Variants in DGKI observed in about 807,000 individuals in gnomAD.
DGKI encodes DAG kinase iota.
DGKI carries 55 observed loss-of-function variants against 147.5 expected under a neutral mutation model. The observed-to-expected ratio is 0.37, with a 90% CI of 0.30 to 0.47. The LOEUF (loss-of-function observed/expected upper bound fraction) is 0.47. Among genes scored for constraint, DGKI ranks in the 20% least tolerant of loss-of-function variants. DGKI has a pLI of 1.00. For synonymous variants in DGKI, 469 were observed against 477.1 expected (o/e 0.98, Z 0.22); for missense variants, 1,007 against 1,323.8 (o/e 0.76, Z 3.71).
At chr7:137,818,505 C>A (rs1797803412) in intron 1 of DGKI, among the ~76,000 whole-genome samples, 1 of 152,182 alleles carries the variant, frequency 6.6e-6, no homozygotes, top group East Asian at 1.9e-4. Context: ...CAGCTCACTG[C>A]AACCTCCGAC....
chr7:137,846,810 C>T lies in DGKI; in HGVS notation c.53G>A (p.Gly18Glu), dbSNP rs963817159. 5.3e-6 allele frequency: 6 copies of T among 1,140,698 alleles called. No homozygotes were observed. Among genetic ancestry groups the T allele is most frequent in the Admixed American group, 4.9e-5 (1 of 20,556 alleles). The allele number at this position is 1,140,698 out of a possible 1,614,324, so 70.7% of individuals were successfully genotyped here. Reference protein sequence around the residue: ...CHLLPLPAARGPARAPAAAAA... With the variant: ...CHLLPLPAAREPARAPAAAAA... ...GGCGGCTGCAGGAGCGCGGGCAGGT[C>T]CGCGCGCCGCTGGCAGGGGCAGCAA... is the stretch of plus-strand genomic sequence containing the variant. The change falls in exon 1 of 33, where the codon GGA (glycine) becomes GAA (glutamate). Residue 18 changes from glycine (G) to glutamate (E), a missense_variant. Physicochemically the swap from Gly to Glu is moderately conservative, Grantham distance 98. Around this residue, in one of 5 missense-constraint regions of DGKI, gnomAD observed 137 missense variants for 114.4 expected, o/e 1.20. Transcript: ENST00000614521. This position sits in a 1 kb window ranked among gnomAD's most constrained non-coding sequence, Gnocchi z 4.0.
chr7:137,765,660 T>C (rs555102269), intron 1 of DGKI, among the ~76,000 whole-genome samples: 1 of 152,346 alleles, frequency 6.6e-6, no homozygotes, highest in East Asian at 1.9e-4. Flanking sequence ...CAGCCCTTTG[T>C]AATGATAAGT....
chr7:137,478,803 G>A (rs897748791), intron 23 of DGKI, among the ~76,000 whole-genome samples: 7 of 152,194 alleles, frequency 4.6e-5, no homozygotes, highest in South Asian at 4.1e-4. Context: ...TGGACCTGGC[G>A]ATGTTCTCAT....
chr7:137,690,075 T>C, intron 1 of DGKI, 73 bp from the exon 2 acceptor site: 1 of 1,158,084 alleles, frequency 8.6e-7, no homozygotes, highest in Admixed American at 2.6e-5. Flanking sequence ...AGCTCAAAAT[T>C]TCCCATGGGG....
chr7:137,444,911 G>C (rs559870722), intron 27 of DGKI, among the ~76,000 whole-genome samples: 3 of 152,182 alleles, frequency 2.0e-5, no homozygotes, highest in African/African-American at 7.2e-5. Context: ...GAGAAAGAGA[G>C]AGACATATAA....
At chr7:137,603,614 A>T (rs1820071811) in intron 10 of DGKI, among the ~76,000 whole-genome samples, 1 of 152,246 alleles carries the variant, frequency 6.6e-6, no homozygotes, top group African/African-American at 2.4e-5. Context: ...CTTCTCTGAT[A>T]CAGACGTCTG....
intron 1 of DGKI, among the ~76,000 whole-genome samples, chr7:137,702,225 C>A (rs532141810): frequency 2.0e-5 from 3 of 152,112 alleles, no homozygotes; most frequent in Non-Finnish European, 4.4e-5. Flanking sequence ...AACTGAATGA[C>A]CTTGGAGTTG....
chr7:137,657,941 G>A (rs1822284104), intron 3 of DGKI, among the ~76,000 whole-genome samples: 1 of 152,192 alleles, frequency 6.6e-6, no homozygotes, highest in Non-Finnish European at 1.5e-5. Flanking sequence ...CTAAAACACT[G>A]CAGTACCGCT....
intron 3 of DGKI, among the ~76,000 whole-genome samples, chr7:137,678,325 A>C (rs1823107946): frequency 1.3e-5 from 2 of 152,162 alleles, no homozygotes; most frequent in South Asian, 4.1e-4. Context: ...ATAAAGTAAC[A>C]CATGACACCA....
At chr7:137,646,479 C>T (rs7786978) in intron 5 of DGKI, among the ~76,000 whole-genome samples, 12,573 of 152,184 alleles carry the variant, frequency 0.083, 1,664 homozygotes, top group African/African-American at 0.28. Flanking sequence ...AGTAGACAAG[C>T]ACTCCTGGGG....
chr7:137,809,205 TA>T (rs1174903987), intron 1 of DGKI, among the ~76,000 whole-genome samples: 10 of 152,104 alleles, frequency 6.6e-5, no homozygotes, highest in African/African-American at 2.4e-4. Context: ...GATCTATTTT[TA>T]AAAGATACAC....
At chr7:137,569,662 G>A (rs1188673363) in intron 19 of DGKI, among the ~76,000 whole-genome samples, 3 of 138,806 alleles carry the variant, frequency 2.2e-5, no homozygotes, top group Non-Finnish European at 4.6e-5. Flanking sequence ...CCAGGAGGTA[G>A]AGCTTGCAGT....
chr7:137,754,110 C>T (rs1391880570), intron 1 of DGKI, among the ~76,000 whole-genome samples: 2 of 152,098 alleles, frequency 1.3e-5, no homozygotes, highest in Non-Finnish European at 2.9e-5. Context: ...AGGTGGGAGG[C>T]ACTGTGGGCC....
At chr7:137,472,299 T>TAATA (rs376533829) in intron 23 of DGKI, among the ~76,000 whole-genome samples, 3 of 3,918 alleles carry the variant, frequency 7.7e-4, no homozygotes, top group African/African-American at 1.2e-3. Flanking sequence ...TATGTGTATA[T>TAATA]TTATGTGTAT....
At chr7:137,658,413 C>T (rs1173173948) in intron 3 of DGKI, among the ~76,000 whole-genome samples, 4 of 152,244 alleles carry the variant, frequency 2.6e-5, no homozygotes, top group South Asian at 2.1e-4. Flanking sequence ...AGAGTTATAG[C>T]GACACAAAGG....
At chr7:137,507,389 A>T (rs1339056638) in intron 21 of DGKI, among the ~76,000 whole-genome samples, 1 of 152,192 alleles carries the variant, frequency 6.6e-6, no homozygotes. Flanking sequence ...AGAAACTAAC[A>T]GGTTCTCTAG....
intron 1 of DGKI, among the ~76,000 whole-genome samples, chr7:137,749,670 GAAGTTTACTCC>G (rs896110728): frequency 1.4e-4 from 21 of 152,180 alleles, no homozygotes; most frequent in African/African-American, 5.1e-4. Flanking sequence ...AAGGGTTGTT[GAAGTTTACTCC>G]AAATTTATCA....
At chr7:137,716,496 A>C (rs895555926) in intron 1 of DGKI, among the ~76,000 whole-genome samples, 2 of 152,234 alleles carry the variant, frequency 1.3e-5, no homozygotes, top group Admixed American at 6.5e-5. Flanking sequence ...TAACTCAAAC[A>C]TAAAGCCAGA....
intron 6 of DGKI, among the ~76,000 whole-genome samples, chr7:137,644,014 G>GCA (rs141582944): frequency 2.0e-5 from 3 of 151,332 alleles, no homozygotes; most frequent in Non-Finnish European, 3.0e-5. Context: ...TCACATGCAT[G>GCA]CACACACACA....
Sources: gnomAD v4.1 joint callset for allele counts (sites outside exome capture counted in the v4.1 genomes callset) on GRCh38, gnomAD v4.1.1 for gene constraint, gnomAD v4.1.1 regional missense constraint, Gnocchi (gnomAD v3.1) non-coding constraint, MANE v1.5 for transcripts, NCBI Gene and HGNC (gene_info 2026-07-23, HGNC 2026-07-21) for gene names.